The following MAP3K2 variants were observed in gnomAD, a reference collection of about 807,000 sequenced individuals.
MAP3K2 encodes the protein mitogen-activated protein kinase kinase kinase 2, also known as MAP/ERK kinase kinase 2.
In MAP3K2, 24 loss-of-function variants were observed where a neutral mutation model predicts 80.3. The ratio of observed to expected loss-of-function variants is 0.30; its 90% confidence interval spans 0.22 to 0.42. MAP3K2 has a LOEUF of 0.42. Among genes scored for constraint, MAP3K2 ranks in the 10% least tolerant of loss-of-function variants. The probability of loss-of-function intolerance (pLI) is 1.00; values close to 1 mark genes in which losing one functional copy is unlikely to be tolerated. For synonymous variants in MAP3K2, 244 were observed against 253.7 expected, an observed-to-expected ratio of 0.96 and a Z score of 0.36; for missense variants, 608 against 750.1, an observed-to-expected ratio of 0.81 and a Z score of 2.21.
intron 1 of MAP3K2, among the ~76,000 whole-genome samples, chr2:127,386,707 A>T (rs539666852): frequency 2.0e-5 from 3 of 152,232 alleles, no homozygotes; most frequent in Non-Finnish European, 4.4e-5. Flanking sequence ...TTGGCAAAAG[A>T]TATCGAAGAG....
rs10558890 is a variant in MAP3K2 at position 127,365,116 on chromosome 2, C to CAAAAAAAAAAAAAA, written c.-65-21936_-65-21923dup. Reference sequence around the variant, plus strand: ...TGGGCGACAGAGTGAGACTCTGCCTCAAAAAAAAAAAAAAAAAAAAAAAAA... The same window carrying CAAAAAAAAAAAAAA: ...TGGGCGACAGAGTGAGACTCTGCCTCAAAAAAAAAAAAAAAAAAAAAAAAAAAAAAAAAAAAAAA... On this transcript the variant is annotated intron_variant, in intron 1 of 16. Coordinates refer to ENST00000682094, the MANE Select transcript of MAP3K2 (RefSeq NM_001371910.2). Among the ~76,000 whole-genome samples the CAAAAAAAAAAAAAA allele has an allele frequency of 1.0e-3, 33 of 31,656 alleles. 9 individuals carry two copies. Among genetic ancestry groups the CAAAAAAAAAAAAAA allele is most frequent in the Non-Finnish European group, 1.6e-3 (27 of 17,146 alleles). 20.8% of individuals were successfully genotyped at this position (31,656 alleles called of 152,430 possible). A position where few individuals can be genotyped will look rare whatever the true frequency, so the allele number is the denominator to read the frequency against.
rs950480924 is a variant in MAP3K2 at position 127,309,884 on chromosome 2, G to A, written c.1457-1122C>T. On this transcript the variant is annotated intron_variant, in intron 15 of 16. Transcript: ENST00000682094. ...CCTGGCTTAAGATAGTGTTTGTCAG[G>A]TTCTCCACTGTAAAGTCATTCTCCC... Among the ~76,000 whole-genome samples the A allele has an allele frequency of 4.6e-5, 7 of 152,114 alleles. 1 individual carries two copies. The South Asian group carries it at 6.2e-4, about 14-fold the overall frequency.
Position 127,319,452 on chromosome 2 carries a change from C to T in MAP3K2, c.1046-1135G>A, listed in dbSNP as rs140407102. On this transcript the variant is annotated intron_variant, in intron 12 of 16. Coordinates refer to ENST00000682094, the MANE Select transcript of MAP3K2 (RefSeq NM_001371910.2). ...CCTAGGCTGGCAAGTAACAGCAATC[C>T]ACTTACTGAGAGCATGACAAGGCCA... 2.0e-4 allele frequency among the ~76,000 whole-genome samples: 30 copies of T among 151,778 alleles called. No homozygotes were observed. The East Asian group carries it at 5.8e-3, about 29-fold the overall frequency.
intron 1 of MAP3K2, among the ~76,000 whole-genome samples, chr2:127,373,618 A>C (rs1205413697): frequency 6.6e-6 from 1 of 152,250 alleles, no homozygotes; most frequent in Non-Finnish European, 1.5e-5. Context: ...AGGCAATTAG[A>C]TCGCACAGAT....
chr2:127,317,321 T>G (rs1465496753), intron 14 of MAP3K2, among the ~76,000 whole-genome samples: 1 of 152,158 alleles, frequency 6.6e-6, no homozygotes, highest in Non-Finnish European at 1.5e-5. Context: ...AACAATTAAA[T>G]GTATGTATAG....
At chr2:127,344,889 G>A (rs1332665500) in intron 1 of MAP3K2, among the ~76,000 whole-genome samples, 1 of 152,070 alleles carries the variant, frequency 6.6e-6, no homozygotes, top group Non-Finnish European at 1.5e-5. Flanking sequence ...ACAGGAGGAG[G>A]GTCTTGCTCT....
intron 1 of MAP3K2, chr2:127,378,254 T>C: frequency 4.7e-6 from 2 of 421,058 alleles, no homozygotes; most frequent in Non-Finnish European, 6.4e-6. Context: ...ACATTATTAT[T>C]ACGTAGTGCT....
At chr2:127,309,808 G>A (rs1190121023) in intron 15 of MAP3K2, among the ~76,000 whole-genome samples, 2 of 152,112 alleles carry the variant, frequency 1.3e-5, no homozygotes, top group Non-Finnish European at 2.9e-5. Context: ...CTCATCATAC[G>A]ATATTAAAGG....
chr2:127,366,167 A>G (rs978131224), intron 1 of MAP3K2, among the ~76,000 whole-genome samples: 2 of 152,206 alleles, frequency 1.3e-5, no homozygotes, highest in Non-Finnish European at 2.9e-5. Flanking sequence ...GCAAAAAGCA[A>G]TATTTAATGG....
At chr2:127,384,235 T>TATATATATATATA (rs1558993419) in intron 1 of MAP3K2, among the ~76,000 whole-genome samples, 4 of 147,346 alleles carry the variant, frequency 2.7e-5, no homozygotes, top group Admixed American at 6.8e-5. Flanking sequence ...TATATATATA[T>TATATATATATATA]TGCTTTTTTA....
chr2:127,385,296 A>C (rs1466736013), intron 1 of MAP3K2, among the ~76,000 whole-genome samples: 1 of 152,230 alleles, frequency 6.6e-6, no homozygotes, highest in Non-Finnish European at 1.5e-5. Context: ...ACTAGTCAGC[A>C]GCCATCAACA....
intron 7 of MAP3K2, among the ~76,000 whole-genome samples, chr2:127,328,859 G>A (rs1410176566): frequency 6.6e-6 from 1 of 152,028 alleles, no homozygotes; most frequent in Non-Finnish European, 1.5e-5. Flanking sequence ...AACCACATTT[G>A]TTTTTCCTCC....
At chr2:127,372,221 T>C (rs1449835694) in intron 1 of MAP3K2, among the ~76,000 whole-genome samples, 2 of 152,160 alleles carry the variant, frequency 1.3e-5, no homozygotes, top group African/African-American at 4.8e-5. Context: ...ATACTAGTTA[T>C]GATGGAATGT....
intron 3 of MAP3K2, among the ~76,000 whole-genome samples, chr2:127,338,701 T>C (rs994265700): frequency 1.3e-5 from 2 of 152,198 alleles, no homozygotes; most frequent in Non-Finnish European, 2.9e-5. Context: ...CCATGGTGTA[T>C]ATGTACCACA....
chr2:127,364,853 C>G lies in MAP3K2; in HGVS notation c.-65-21659G>C, dbSNP rs376952067. Among the ~76,000 whole-genome samples the G allele has an allele frequency of 3.3e-5, 5 of 152,180 alleles. No individual in the cohort carries two copies. The East Asian group carries it at 9.7e-4, about 29-fold the overall frequency. The stretch of plus-strand genomic sequence containing the variant: ...CTAATAAAAGCTACTATTGACCAGG[C>G]GCAGTGGCTCACGCCTGTAATCCTA... On this transcript the variant is annotated intron_variant, in intron 1 of 16. Transcript: ENST00000682094. The surrounding 1 kb of genome is among the most constrained non-coding windows in gnomAD (Gnocchi z 4.1).
chr2:127,336,949 T>C (rs1361428293), intron 4 of MAP3K2, among the ~76,000 whole-genome samples: 1 of 152,198 alleles, frequency 6.6e-6, no homozygotes. Flanking sequence ...GAGACCAGCC[T>C]GGCCAACATG....
At position 127,326,664 on chromosome 2, in the gene MAP3K2, T is replaced by TA. The variant is rs1161872483; in HGVS notation, c.597+22dup. On this transcript the variant is annotated intron_variant, in intron 8 of 16. Transcript: ENST00000682094. ...TGACAACATCTCTTTAAATTAAATT[T>TA]AAAAAATCAAACTTTTGCTTACTTG... The TA allele has an allele frequency of 2.0e-6, 3 of 1,517,106 alleles. No homozygotes were observed. The African/African-American group carries it at 4.2e-5, about 21-fold the overall frequency. The allele number at this position is 1,517,106 out of a possible 1,614,324, so 94.0% of individuals were successfully genotyped here. A position where few individuals can be genotyped will look rare whatever the true frequency, so the allele number is the denominator to read the frequency against.
chr2:127,376,930 G>A (rs376068992), intron 1 of MAP3K2, among the ~76,000 whole-genome samples: 2 of 151,880 alleles, frequency 1.3e-5, no homozygotes, highest in East Asian at 3.9e-4. Flanking sequence ...GGGTATAATG[G>A]TGTGCCTGTA....
intron 4 of MAP3K2, 132 bp downstream of exon 4, chr2:127,337,606 C>T: frequency 3.5e-6 from 2 of 568,206 alleles, no homozygotes; most frequent in South Asian, 2.4e-5. Flanking sequence ...TTACACATTC[C>T]CAAGGACTAC....
Sources: gnomAD v4.1 joint callset for allele counts (sites outside exome capture counted in the v4.1 genomes callset) on GRCh38, gnomAD v4.1.1 for gene constraint, Gnocchi (gnomAD v3.1) non-coding constraint, MANE v1.5 for transcripts, NCBI Gene and HGNC (gene_info 2026-07-23, HGNC 2026-07-21) for gene names.